Variants in ENOX1 observed in about 807,000 individuals in gnomAD.
ENOX1 encodes the protein ecto-NOX disulfide-thiol exchanger 1.
ENOX1 carries 42 observed loss-of-function variants against 82.5 expected under a neutral mutation model. The ratio of observed to expected loss-of-function variants is 0.51; its 90% CI spans 0.40 to 0.66. The LOEUF (loss-of-function observed/expected upper bound fraction) is 0.66, where lower values mean the gene tolerates loss of function less well. ENOX1 is among the 30% of genes least tolerant of loss of function. The pLI, the probability that ENOX1 is intolerant of heterozygous loss-of-function variation, is 0.00. For synonymous variants in ENOX1, 271 were observed against 282.2 expected, an observed-to-expected ratio of 0.96 and a Z score of 0.40; for missense variants, 608 against 811.6, an observed-to-expected ratio of 0.75 and a Z score of 3.05.
chr13:43,419,045 GC>G (rs1399108149), intron 3 of ENOX1, among the ~76,000 whole-genome samples: 2 of 152,052 alleles, frequency 1.3e-5, no homozygotes, highest in African/African-American at 4.8e-5. Flanking sequence ...GGGTATGGTG[GC>G]GGGTGCCTGT....
chr13:43,744,551 G>C (rs1330552356), intron 1 of ENOX1, among the ~76,000 whole-genome samples: 2 of 152,148 alleles, frequency 1.3e-5, no homozygotes, highest in African/African-American at 4.8e-5. Context: ...TAGAGGAATG[G>C]AAGACGTGAT....
At chr13:43,581,323 G>C (rs558138204) in intron 2 of ENOX1, among the ~76,000 whole-genome samples, 118 of 150,700 alleles carry the variant, frequency 7.8e-4, no homozygotes, top group African/African-American at 2.9e-3. Flanking sequence ...TAGTAGAGAC[G>C]GGGTTTCACC....
intron 15 of ENOX1, 123 bp from the exon 16 acceptor site, chr13:43,224,261 A>G (rs531627504): frequency 2.8e-6 from 2 of 725,948 alleles, no homozygotes; most frequent in Non-Finnish European, 4.7e-6. Context: ...CATTTCTAGC[A>G]GCACTCAACA....
In ENOX1 at chr13:43,615,839, G is replaced by A. The variant is rs377140682; in HGVS notation, c.-219+51640C>T. Among the ~76,000 whole-genome samples the A allele has an allele frequency of 9.2e-5, 14 of 151,732 alleles. 1 individual carries two copies. The highest frequency in any genetic ancestry group is 3.4e-3 in the Middle Eastern group (1 of 294). On this transcript the variant is annotated intron_variant, in intron 2 of 16. Transcript: ENST00000690772. Reference sequence around the variant, plus strand: ...CTCCCACTTATGAGTGAGGACATGCGGTGTTCAGTTTTCTGTTCCTGTGTT... The same window carrying A: ...CTCCCACTTATGAGTGAGGACATGCAGTGTTCAGTTTTCTGTTCCTGTGTT...
intron 14 of ENOX1, among the ~76,000 whole-genome samples, chr13:43,263,638 T>C (rs893980369): frequency 2.0e-5 from 3 of 152,252 alleles, no homozygotes; most frequent in African/African-American, 7.2e-5. Context: ...ACATCTTAGC[T>C]AGAACCTCAC....
At chr13:43,704,365 C>T (rs532943270) in intron 1 of ENOX1, among the ~76,000 whole-genome samples, 10 of 151,968 alleles carry the variant, frequency 6.6e-5, no homozygotes, top group Non-Finnish European at 1.3e-4. Flanking sequence ...AACAGACTAA[C>T]ACTTTGCTGA....
chr13:43,248,005 C>G (rs1366193100), intron 14 of ENOX1, among the ~76,000 whole-genome samples: 4 of 143,964 alleles, frequency 2.8e-5, no homozygotes, highest in Admixed American at 1.4e-4. Flanking sequence ...CCTGCCTCAG[C>G]CTCCCAAGTA....
intron 1 of ENOX1, among the ~76,000 whole-genome samples, chr13:43,678,932 AC>A (rs1199315761): frequency 6.6e-6 from 1 of 152,104 alleles, no homozygotes; most frequent in East Asian, 1.9e-4. Flanking sequence ...TTTCCCCTCT[AC>A]TAACATTAAA....
At chr13:43,502,197 TC>T (rs2077004302) in intron 2 of ENOX1, among the ~76,000 whole-genome samples, 1 of 151,496 alleles carries the variant, frequency 6.6e-6, no homozygotes, top group Admixed American at 6.6e-5. Context: ...CCTAATCGGA[TC>T]AATGACAAAT....
At chr13:43,295,799 A>G (rs9567145) in intron 12 of ENOX1, among the ~76,000 whole-genome samples, 70,297 of 152,050 alleles carry the variant, frequency 0.46, 16,621 homozygotes, top group East Asian at 0.58. Flanking sequence ...TCATTTATTC[A>G]TACAAGGTAG....
intron 1 of ENOX1, among the ~76,000 whole-genome samples, chr13:43,678,498 T>C (rs1305603675): frequency 6.6e-6 from 1 of 152,216 alleles, no homozygotes; most frequent in East Asian, 1.9e-4. Context: ...CATACATGAA[T>C]GAATGCATGT....
chr13:43,490,004 C>G (rs536336735), intron 2 of ENOX1, among the ~76,000 whole-genome samples: 1 of 152,090 alleles, frequency 6.6e-6, no homozygotes, highest in Non-Finnish European at 1.5e-5. Flanking sequence ...AGTGGCATGA[C>G]GTCGGCTCAC....
At chr13:43,535,650 C>T (rs1281746163) in intron 2 of ENOX1, among the ~76,000 whole-genome samples, 7 of 152,104 alleles carry the variant, frequency 4.6e-5, no homozygotes, top group Admixed American at 1.3e-4. Flanking sequence ...GAGCAGCACA[C>T]GGTCAGCACA....
intron 2 of ENOX1, among the ~76,000 whole-genome samples, chr13:43,553,969 G>A (rs576077123): frequency 4.1e-4 from 63 of 151,954 alleles, no homozygotes; most frequent in Non-Finnish European, 6.2e-4. Flanking sequence ...GGCTGGTCTC[G>A]AACACCTGAG....
chr13:43,301,743 G>A (rs1351387127), intron 11 of ENOX1, among the ~76,000 whole-genome samples: 1 of 152,136 alleles, frequency 6.6e-6, no homozygotes, highest in Non-Finnish European at 1.5e-5. Flanking sequence ...TCTAAAGGGT[G>A]AGAAATTGTA....
chr13:43,692,068 T>C (rs2086395605), intron 1 of ENOX1, among the ~76,000 whole-genome samples: 1 of 152,212 alleles, frequency 6.6e-6, no homozygotes, highest in African/African-American at 2.4e-5. Flanking sequence ...CTAATACTTC[T>C]ATATGTGAAT....
At chr13:43,748,732 A>G (rs1162113709) in intron 1 of ENOX1, among the ~76,000 whole-genome samples, 1 of 152,240 alleles carries the variant, frequency 6.6e-6, no homozygotes, top group Non-Finnish European at 1.5e-5. Context: ...TACTTAGCAC[A>G]GTACCAGACA....
intron 2 of ENOX1, among the ~76,000 whole-genome samples, chr13:43,646,184 G>T (rs1271203099): frequency 6.6e-6 from 1 of 152,238 alleles, no homozygotes; most frequent in Non-Finnish European, 1.5e-5. Flanking sequence ...AGCCCATGCT[G>T]CCTGCTGTGC....
At chr13:43,771,877 A>G (rs948324340) in intron 1 of ENOX1, among the ~76,000 whole-genome samples, 1 of 145,762 alleles carries the variant, frequency 6.9e-6, no homozygotes, top group African/African-American at 2.6e-5. Flanking sequence ...CCATTCTCCT[A>G]CCTCAGCCTC....
Sources: gnomAD v4.1 joint callset for allele counts (sites outside exome capture counted in the v4.1 genomes callset) on GRCh38, gnomAD v4.1.1 for gene constraint, MANE v1.5 for transcripts, NCBI Gene and HGNC (gene_info 2026-07-23, HGNC 2026-07-21) for gene names.